Variants in RGL1 observed in about 807,000 individuals in gnomAD.
RGL1 encodes ral guanine nucleotide dissociation stimulator-like 1.
In RGL1, 24 loss-of-function variants were observed where a neutral mutation model predicts 95.2. The observed-to-expected ratio is 0.25, with a 90% confidence interval of 0.18 to 0.35. The LOEUF is 0.35. Ranked by LOEUF, RGL1 falls within the 10% of genes least tolerant of loss-of-function variation. The pLI is 1.00. For missense variants in RGL1, 715 were observed against 936.3 expected, an observed-to-expected ratio of 0.76 and a Z score of 3.08; for synonymous variants, 329 against 344.9, an observed-to-expected ratio of 0.95 and a Z score of 0.51.
intron 1 of RGL1, among the ~76,000 whole-genome samples, chr1:183,640,506 A>C (rs1042945308): frequency 2.6e-5 from 4 of 152,146 alleles, no homozygotes; most frequent in Non-Finnish European, 5.9e-5. Flanking sequence ...AAAATTGTAA[A>C]TCTCTTGCCT....
chr1:183,855,391 G>A (rs1475923346), intron 3 of RGL1, among the ~76,000 whole-genome samples: 2 of 151,868 alleles, frequency 1.3e-5, no homozygotes, highest in African/African-American at 2.4e-5. Context: ...TTTTTGAGAT[G>A]CGTACAATAT....
chr1:183,733,791 G>A (rs7525146), intron 1 of RGL1, among the ~76,000 whole-genome samples: 70,652 of 151,902 alleles, frequency 0.47, 17,355 homozygotes, highest in East Asian at 0.8. Flanking sequence ...CTAATTAAAG[G>A]GTCTTCTGTA....
upstream of RGL1, among the ~76,000 whole-genome samples, chr1:183,801,041 G>A (rs1425602702): frequency 7.5e-5 from 4 of 53,150 alleles, no homozygotes; most frequent in African/African-American, 2.2e-4. Flanking sequence ...TTAATTTTTT[G>A]AGGAACCATA....
chr1:183,763,911 C>A (rs1658832483), intron 2 of RGL1, among the ~76,000 whole-genome samples: 4 of 152,308 alleles, frequency 2.6e-5, no homozygotes, highest in Admixed American at 6.5e-5. Flanking sequence ...AGATTTCCCT[C>A]ACATTCTGGA....
intron 16 of RGL1, among the ~76,000 whole-genome samples, chr1:183,920,980 G>A (rs1452934996): frequency 6.6e-6 from 1 of 152,172 alleles, no homozygotes; most frequent in Admixed American, 6.5e-5. Flanking sequence ...GGGGGTCGTG[G>A]GGGGCTTTCT....
intron 13 of RGL1, 117 bp from the exon 14 acceptor site, chr1:183,906,895 A>G: frequency 1.3e-5 from 9 of 688,118 alleles, no homozygotes; most frequent in Non-Finnish European, 2.4e-5. Context: ...GTTTGTATAT[A>G]TCTTTACTTT....
chr1:183,831,364 A>G (rs1663248533), intron 2 of RGL1, among the ~76,000 whole-genome samples: 1 of 152,108 alleles, frequency 6.6e-6, no homozygotes, highest in Non-Finnish European at 1.5e-5. Flanking sequence ...GGGCCTAGAG[A>G]GGGAAGGAGA....
chr1:183,867,422 A>G (rs1665906432), intron 4 of RGL1, among the ~76,000 whole-genome samples: 2 of 152,190 alleles, frequency 1.3e-5, no homozygotes, highest in South Asian at 4.1e-4. Flanking sequence ...AACTCCCTCC[A>G]GTGCTGCCCT....
chr1:183,806,335 A>G, intron 1 of RGL1, 40 bp from the exon 2 acceptor site: 4 of 1,553,570 alleles, frequency 2.6e-6, no homozygotes, highest in Non-Finnish European at 3.5e-6. Context: ...AGAGAGGAAA[A>G]AAATACTCTT....
chr1:183,670,479 C>T (rs1652367690), intron 1 of RGL1, among the ~76,000 whole-genome samples: 2 of 152,132 alleles, frequency 1.3e-5, no homozygotes, highest in Admixed American at 1.3e-4. Context: ...TGTGGAAGCC[C>T]CCATATGACT....
intron 2 of RGL1, among the ~76,000 whole-genome samples, chr1:183,786,642 G>A (rs1406486632): frequency 2.0e-5 from 3 of 152,020 alleles, no homozygotes; most frequent in Non-Finnish European, 4.4e-5. Context: ...TGAGTATGAA[G>A]AACTAATGCA....
intron 1 of RGL1, among the ~76,000 whole-genome samples, chr1:183,719,962 G>C (rs1572328752): frequency 6.6e-6 from 1 of 152,026 alleles, no homozygotes; most frequent in East Asian, 1.9e-4. Context: ...AAGTTAACAT[G>C]GTCTGGTGAG....
intron 2 of RGL1, among the ~76,000 whole-genome samples, chr1:183,784,745 A>G (rs1660071817): frequency 6.6e-6 from 1 of 152,204 alleles, no homozygotes; most frequent in African/African-American, 2.4e-5. Flanking sequence ...GAACAATGGA[A>G]AAATTAAAAC....
intron 2 of RGL1, among the ~76,000 whole-genome samples, chr1:183,813,890 A>G (rs1298934222): frequency 6.6e-6 from 1 of 152,112 alleles, no homozygotes; most frequent in African/African-American, 2.4e-5. Context: ...TCACTCTCTC[A>G]CTTAAATACA....
intron 1 of RGL1, among the ~76,000 whole-genome samples, chr1:183,691,827 A>G (rs1653961035): frequency 6.6e-6 from 1 of 152,140 alleles, no homozygotes; most frequent in African/African-American, 2.4e-5. Context: ...ATGTTAATTT[A>G]ATAATGTTGA....
At chr1:183,868,932 T>C (rs1241805046) in intron 4 of RGL1, among the ~76,000 whole-genome samples, 2 of 152,020 alleles carry the variant, frequency 1.3e-5, no homozygotes, top group Non-Finnish European at 2.9e-5. Flanking sequence ...CTGGGCAACG[T>C]AGTGGGACTC....
chr1:183,793,659 A>G (rs1244360400), intron 2 of RGL1, among the ~76,000 whole-genome samples: 1 of 152,160 alleles, frequency 6.6e-6, no homozygotes, highest in East Asian at 1.9e-4. Context: ...CAATTTGCCA[A>G]CAGGTATATG....
At chr1:183,742,769 G>T (rs902909801) in intron 2 of RGL1, among the ~76,000 whole-genome samples, 5 of 151,956 alleles carry the variant, frequency 3.3e-5, no homozygotes, top group Admixed American at 1.3e-4. Context: ...GAGAGAGAGA[G>T]ATGCTATTAT....
At chr1:183,690,252 C>A (rs1309203402) in intron 1 of RGL1, among the ~76,000 whole-genome samples, 1 of 152,136 alleles carries the variant, frequency 6.6e-6, no homozygotes, top group African/African-American at 2.4e-5. Flanking sequence ...TGCTTTGAAC[C>A]CCTGGAATTA....
Sources: allele counts gnomAD v4.1 joint callset (sites outside exome capture counted in the v4.1 genomes callset), GRCh38; gene constraint gnomAD v4.1.1; transcripts MANE v1.5; gene names NCBI Gene and HGNC (gene_info 2026-07-23, HGNC 2026-07-21).